Variants in HAS1 observed in about 807,000 individuals in gnomAD.
The protein encoded by HAS1 is HA synthase 1.
A neutral mutation model predicts 35.0 loss-of-function variants in HAS1; 27 were observed. That is an observed-to-expected ratio of 0.77 (90% CI 0.57 to 1.06). HAS1 has a LOEUF of 1.06. Ranked by LOEUF, HAS1 falls within the 50% of genes least tolerant of loss-of-function variation. The pLI, the probability that HAS1 is intolerant of heterozygous loss-of-function variation, is 0.00. For missense variants in HAS1, 940 were observed against 814.8 expected, an observed-to-expected ratio of 1.15 and a Z score of -1.87; for synonymous variants, 409 against 371.2, an observed-to-expected ratio of 1.10 and a Z score of -1.17.
chr19:51,713,643 C>A lies in HAS1; in HGVS notation c.1518G>T (p.Ala506=). The change falls in exon 5 of 5, where the codon GCG becomes GCT. Residue 506 remains alanine, a synonymous_variant. Coordinates refer to ENST00000540069, the MANE Select transcript of HAS1 (RefSeq NM_001297436.2). The surrounding 1 kb of genome is among the most constrained non-coding windows in gnomAD (Gnocchi z 4.5). ...CCCCAAGCAGCAGCAGCGCCCAGAGCGCCAGGGGCAGCAGAGGGACGTAGT... is the reference window on the plus strand; with the variant it reads ...CCCCAAGCAGCAGCAGCGCCCAGAGAGCCAGGGGCAGCAGAGGGACGTAGT... ...AANYVPLLPL[A]LWALLLLGGL... The A allele has an allele frequency of 6.4e-7, 1 of 1,568,374 alleles. No homozygotes were observed. Among genetic ancestry groups the A allele is most frequent in the Admixed American group, 1.9e-5 (1 of 53,182 alleles).
At chr19:51,716,161 A>C in intron 4 of HAS1, 95 bp downstream of exon 4, 1 of 1,079,246 alleles carries the variant, frequency 9.3e-7, no homozygotes, top group Non-Finnish European at 1.4e-6. Context: ...TTGTCTGGTG[A>C]GTTACTTTGG....
chr19:51,715,062 A>G (rs1259384845), intron 4 of HAS1, among the ~76,000 whole-genome samples: 1 of 152,066 alleles, frequency 6.6e-6, no homozygotes, highest in African/African-American at 2.4e-5. Flanking sequence ...CAATCCCTGC[A>G]TGGTTTCCAG....
intron 4 of HAS1, among the ~76,000 whole-genome samples, chr19:51,715,613 A>G (rs543956044): frequency 7.9e-5 from 12 of 152,116 alleles, no homozygotes; most frequent in Admixed American, 1.3e-4. Context: ...CACCTAGTGA[A>G]TATTTGTTGA....
At position 51,713,534 on chromosome 19, in the gene HAS1, C is replaced by G. The variant is rs551285865; in HGVS notation, c.1627G>C (p.Gly543Arg). ...RAAEAYHLAA[G>R]AGAYVGYWVA... ...CAGTAGCCCACGTAGGCGCCGGCCC[C>G]CGCGGCCAAGTGGTAGGCCTCGGCT... is the stretch of plus-strand genomic sequence containing the variant. The change falls in exon 5 of 5, where the codon GGG becomes CGG. Residue 543 changes from glycine (G) to arginine (R), a missense_variant. By Grantham distance (125) the Gly-to-Arg change is moderately radical. Transcript: ENST00000540069. This position sits in a 1 kb window ranked among gnomAD's most constrained non-coding sequence, Gnocchi z 4.5. 3 of 1,594,418 alleles carry G rather than the reference C, an allele frequency of 1.9e-6. No individual in the cohort carries two copies. Among genetic ancestry groups the G allele is most frequent in the African/African-American group, 2.7e-5 (2 of 74,380 alleles).
chr19:51,718,484 T>C (rs925632285), intron 2 of HAS1, among the ~76,000 whole-genome samples: 7 of 152,160 alleles, frequency 4.6e-5, no homozygotes, highest in African/African-American at 1.7e-4. Flanking sequence ...GGTATATCCA[T>C]GAGTGAGTAA....
chr19:51,719,143 G>GT, intron 2 of HAS1, 63 bp downstream of exon 2: 2 of 990,200 alleles, frequency 2.0e-6, no homozygotes, highest in Non-Finnish European at 3.0e-6. Flanking sequence ...TTGAAGGAAA[G>GT]ACCCCAGGAA....
chr19:51,723,894 C>CACACACACACACAA, intron 1 of HAS1, 31 bp downstream of exon 1: 1 of 1,408,674 alleles, frequency 7.1e-7, no homozygotes. Context: ...TACACACACA[C>CACACACACACACAA]ACACACACAC....
chr19:51,715,436 A>G (rs2083580187), intron 4 of HAS1, among the ~76,000 whole-genome samples: 1 of 151,918 alleles, frequency 6.6e-6, no homozygotes, highest in Admixed American at 6.6e-5. Context: ...CCCAACCCCA[A>G]AACTTCCTAT....
intron 2 of HAS1, 85 bp downstream of exon 2, chr19:51,719,121 C>T (rs182357556): frequency 5.1e-6 from 4 of 781,692 alleles, no homozygotes; most frequent in Middle Eastern, 3.6e-4. Context: ...GAGAGTCATT[C>T]AAATCTGTAC....
At chr19:51,717,356 C>T (rs1381921001) in intron 2 of HAS1, among the ~76,000 whole-genome samples, 163 bp from the exon 3 acceptor site, 1 of 152,202 alleles carries the variant, frequency 6.6e-6, no homozygotes, top group Non-Finnish European at 1.5e-5. Flanking sequence ...CACAGTTTAA[C>T]ATGTACTCCA....
At position 51,719,774 on chromosome 19, in the gene HAS1, G is replaced by C. The variant is rs1234795609; in HGVS notation, c.131C>G (p.Pro44Arg). ...LMTWAYAAGV[P>R]LASDRYGLLA... ...GAGGCCGTAGCGATCGGAGGCCAGC[G>C]GCACCCCGGCGGCGTAGGCCCAGGT... The change falls in exon 2 of 5, where the codon CCG becomes CGG. Residue 44 changes from proline (P) to arginine (R), a missense_variant. Coordinates refer to ENST00000540069, the MANE Select transcript of HAS1 (RefSeq NM_001297436.2). 1.9e-6 allele frequency: 3 copies of C among 1,562,120 alleles called. No homozygotes were observed. In the African/African-American group the frequency reaches 4.1e-5, roughly 21 times the overall value.
Position 51,716,289 on chromosome 19 carries a change from G to T in HAS1, c.1025C>A (p.Thr342Asn), listed in dbSNP as rs765536727. Residue 342 changes from threonine (T) to asparagine (N), a missense_variant, in exon 4 of 5, where the codon ACC becomes AAC. Transcript: ENST00000540069. ...HCTFGDDRHL[T>N]NRMLSMGYAT... Reference sequence around the variant, plus strand: ...ATAACCCATGCTGAGCATGCGGTTGGTGAGGTGCCGGTCATCCCCAAAAGT... The same window carrying T: ...ATAACCCATGCTGAGCATGCGGTTGTTGAGGTGCCGGTCATCCCCAAAAGT... The T allele has an allele frequency of 2.5e-6, 4 of 1,614,046 alleles. No individual in the cohort carries two copies. In the Admixed American group the frequency reaches 6.7e-5, roughly 27 times the overall value.
intron 4 of HAS1, 61 bp downstream of exon 4, chr19:51,716,195 C>A: frequency 7.0e-7 from 1 of 1,432,278 alleles, no homozygotes; most frequent in South Asian, 1.3e-5. Context: ...TCAGCATGCA[C>A]ACACGCTAGG....
chr19:51,721,433 C>T (rs2083631048), intron 1 of HAS1, among the ~76,000 whole-genome samples: 1 of 152,058 alleles, frequency 6.6e-6, no homozygotes, highest in Non-Finnish European at 1.5e-5. Flanking sequence ...TTCTGTGTGC[C>T]AGACACTACT....
chr19:51,719,471 T>G lies in HAS1; in HGVS notation c.434A>C (p.Asp145Ala), dbSNP rs1289191504. The G allele has an allele frequency of 3.9e-6, 6 of 1,550,952 alleles. No homozygotes were observed. The African/African-American group carries it at 5.5e-5, about 14-fold the overall frequency. ...GNRAEDLYMV[D>A]MFREVFADED... is the part of the protein sequence containing the mutation. ...GTCAGCGAAGACCTCGCGGAACATG[T>G]CGACCATGTAGAGGTCCTCGGCGCG... Residue 145 changes from aspartate to alanine, a missense_variant, in exon 2 of 5, where the codon GAC (aspartate) becomes GCC (alanine). By Grantham distance (126) the Asp-to-Ala change is moderately radical. Coordinates refer to ENST00000540069, the MANE Select transcript of HAS1 (RefSeq NM_001297436.2).
chr19:51,720,664 A>G (rs1190211431), intron 1 of HAS1, among the ~76,000 whole-genome samples: 2 of 150,954 alleles, frequency 1.3e-5, no homozygotes, highest in Non-Finnish European at 3.0e-5. Context: ...TTGCTAATTA[A>G]AAAAAAAACA....
chr19:51,720,407 C>T (rs192099951), intron 1 of HAS1, among the ~76,000 whole-genome samples: 2,208 of 152,190 alleles, frequency 0.015, 132 homozygotes, highest in Admixed American at 0.11. Context: ...TGAGCTACCT[C>T]GCCGGGCCCC....
At position 51,719,418 on chromosome 19, in the gene HAS1, C is replaced by T; in HGVS notation, c.487G>A (p.Gly163Ser). 2 of 1,560,358 alleles carry T rather than the reference C, an allele frequency of 1.3e-6. No homozygotes were observed. The highest frequency in any genetic ancestry group is 1.7e-6 in the Non-Finnish European group (2 of 1,151,696). The change falls in exon 2 of 5, where the codon GGC becomes AGC. Residue 163 changes from glycine (G) to serine (S), a missense_variant. Transcript: ENST00000540069. The part of the protein sequence containing the change: ...DEDPATYVWD[G>S]NYHQPWEPAA... ...GGTTCCCAGGGCTGGTGGTAGTTGC[C>T]GTCCCACACGTACGTGGCGGGGTCC...
At position 51,713,692 on chromosome 19, in the gene HAS1, G is replaced by C; in HGVS notation, c.1469C>G (p.Ser490Trp). The change falls in exon 5 of 5, where the codon TCG becomes TGG. Residue 490 changes from serine (S) to tryptophan (W), a missense_variant. By Grantham distance (177) the Ser-to-Trp change is radical. Coordinates refer to ENST00000540069, the MANE Select transcript of HAS1 (RefSeq NM_001297436.2). This position sits in a 1 kb window ranked among gnomAD's most constrained non-coding sequence, Gnocchi z 4.5. ...GTTAGCGGCCAGCTTCCGCCGGCCC[G>C]AGGTGCCCCAGCCACTCTGGTTCAT... ...VTMNQSGWGT[S>W]GRRKLAANYV... The C allele has an allele frequency of 1.3e-6, 2 of 1,593,600 alleles. No homozygotes were observed. The highest frequency in any genetic ancestry group is 1.7e-6 in the Non-Finnish European group (2 of 1,171,498).
Sources: gnomAD v4.1 joint callset for allele counts (sites outside exome capture counted in the v4.1 genomes callset) on GRCh38, gnomAD v4.1.1 for gene constraint, Gnocchi (gnomAD v3.1) non-coding constraint, MANE v1.5 for transcripts, NCBI Gene and HGNC (gene_info 2026-07-23, HGNC 2026-07-21) for gene names.